The following ZFHX3 variants were observed in gnomAD, a reference collection of about 807,000 sequenced individuals.
ZFHX3 encodes zinc finger homeobox 3.
ZFHX3 carries 42 observed loss-of-function variants against 279.1 expected under a neutral mutation model. The observed-to-expected ratio is 0.15, with a 90% CI of 0.12 to 0.19. The LOEUF (loss-of-function observed/expected upper bound fraction) is 0.19. Among genes scored for constraint, ZFHX3 ranks in the 10% least tolerant of loss-of-function variants. ZFHX3 has a pLI of 1.00. For synonymous variants in ZFHX3, 2,293 were observed against 1,957.8 expected, an observed-to-expected ratio of 1.17 and a Z score of -4.52; for missense variants, 4,981 against 4,754.0, an observed-to-expected ratio of 1.05 and a Z score of -1.40.
chr16:73,811,493 G>C (rs1417382473), intron 1 of ZFHX3, among the ~76,000 whole-genome samples: 1 of 149,208 alleles, frequency 6.7e-6, no homozygotes, highest in African/African-American at 2.5e-5. Flanking sequence ...ATCTAGGCGG[G>C]AGTGGCAGTG....
chr16:73,856,173 G>T (rs1270716623), intron 1 of ZFHX3, among the ~76,000 whole-genome samples: 1 of 152,068 alleles, frequency 6.6e-6, no homozygotes, highest in South Asian at 2.1e-4. Flanking sequence ...GAAGGAGAGG[G>T]AAGGTTACAT....
At chr16:72,879,010 G>A (rs1411821456) in intron 4 of ZFHX3, among the ~76,000 whole-genome samples, 1 of 152,172 alleles carries the variant, frequency 6.6e-6, no homozygotes, top group Non-Finnish European at 1.5e-5. Flanking sequence ...ACGGCCCTGT[G>A]GAGGCTGCCC....
intron 3 of ZFHX3, among the ~76,000 whole-genome samples, chr16:72,933,443 T>C (rs989489238): frequency 5.9e-5 from 9 of 152,032 alleles, no homozygotes; most frequent in African/African-American, 2.2e-4. Context: ...TACCCTCACA[T>C]TGCATTATGA....
intron 1 of ZFHX3, among the ~76,000 whole-genome samples, chr16:72,961,642 C>A (rs200730541): frequency 7.5e-6 from 1 of 133,804 alleles, no homozygotes; most frequent in Non-Finnish European, 1.7e-5. Context: ...TTTTTTTTTT[C>A]ATTTCTTGAT....
At chr16:73,495,075 G>C (rs1376600429) in intron 2 of ZFHX3, among the ~76,000 whole-genome samples, 1 of 152,194 alleles carries the variant, frequency 6.6e-6, no homozygotes, top group East Asian at 1.9e-4. Context: ...CTGCATATTG[G>C]CTGTATCTCT....
At chr16:73,183,092 C>A (rs1166388620) in intron 5 of ZFHX3, among the ~76,000 whole-genome samples, 2 of 152,122 alleles carry the variant, frequency 1.3e-5, no homozygotes, top group African/African-American at 4.8e-5. Context: ...GTAGTCCCAG[C>A]TACTCGGGAG....
intron 3 of ZFHX3, among the ~76,000 whole-genome samples, chr16:72,915,470 C>T (rs1231331069): frequency 6.6e-6 from 1 of 152,186 alleles, no homozygotes; most frequent in Non-Finnish European, 1.5e-5. Flanking sequence ...GAATTGCCAC[C>T]TCTCAAGACT....
intron 3 of ZFHX3, among the ~76,000 whole-genome samples, chr16:73,443,949 T>G (rs141701346): frequency 2.6e-4 from 39 of 152,130 alleles, no homozygotes; most frequent in African/African-American, 9.4e-4. Context: ...TAATAAAATA[T>G]TTGTATTATT....
chr16:72,887,549 T>A (rs2038657292), intron 4 of ZFHX3, among the ~76,000 whole-genome samples: 1 of 150,774 alleles, frequency 6.6e-6, no homozygotes, highest in African/African-American at 2.4e-5. Context: ...AGTCCAACTG[T>A]TGTGTGGGGG....
chr16:73,048,366 G>A (rs1011134678), upstream of ZFHX3: 3 of 151,680 alleles, frequency 2.0e-5, no homozygotes, highest in Non-Finnish European at 4.4e-5. Flanking sequence ...GGACGCACAG[G>A]GACGCGCGGG....
intron 7 of ZFHX3, among the ~76,000 whole-genome samples, chr16:73,122,417 G>C (rs1966510590): frequency 6.6e-6 from 1 of 151,860 alleles, no homozygotes; most frequent in African/African-American, 2.4e-5. Flanking sequence ...ATGTTGGCCA[G>C]GCTGGTCTCG....
intron 3 of ZFHX3, among the ~76,000 whole-genome samples, chr16:73,319,085 TGAGGG>T (rs1178959559): frequency 4.1e-5 from 3 of 73,594 alleles, no homozygotes; most frequent in Non-Finnish European, 8.7e-5. Context: ...GGTGAGGTGC[TGAGGG>T]GAGGGGAGGG....
At chr16:73,301,002 GA>G (rs1215825183) in intron 4 of ZFHX3, among the ~76,000 whole-genome samples, 1 of 152,226 alleles carries the variant, frequency 6.6e-6, no homozygotes, top group Non-Finnish European at 1.5e-5. Context: ...TCCAATTCTA[GA>G]AGTCAGGAAA....
intron 2 of ZFHX3, among the ~76,000 whole-genome samples, chr16:73,549,192 T>C (rs2020168019): frequency 6.6e-6 from 1 of 152,140 alleles, no homozygotes. Context: ...TTTCCTTTTC[T>C]GCCTAAAGGA....
At chr16:72,943,985 G>A (rs1012872668) in intron 3 of ZFHX3, among the ~76,000 whole-genome samples, 1 of 152,128 alleles carries the variant, frequency 6.6e-6, no homozygotes, top group African/African-American at 2.4e-5. Context: ...TGACCTAAAA[G>A]TATCTATATC....
intron 1 of ZFHX3, among the ~76,000 whole-genome samples, chr16:73,756,880 G>T (rs1226682615): frequency 2.0e-5 from 3 of 151,996 alleles, no homozygotes; most frequent in Non-Finnish European, 4.4e-5. Context: ...TATTTATGAC[G>T]CAAGGAATAA....
chr16:73,634,844 A>G (rs2052513608), intron 2 of ZFHX3, among the ~76,000 whole-genome samples: 1 of 152,176 alleles, frequency 6.6e-6, no homozygotes, highest in Admixed American at 6.5e-5. Flanking sequence ...ATTTTATTCC[A>G]GGATATCTGT....
chr16:73,005,392 G>T (rs1157345741), intron 1 of ZFHX3, among the ~76,000 whole-genome samples: 1 of 152,192 alleles, frequency 6.6e-6, no homozygotes. Flanking sequence ...TTACTTGAGA[G>T]ACTGAGGCAG....
intron 7 of ZFHX3, among the ~76,000 whole-genome samples, chr16:73,101,644 C>T (rs1056010258): frequency 7.2e-5 from 11 of 152,118 alleles, no homozygotes; most frequent in African/African-American, 2.2e-4. Flanking sequence ...TCAAGTGATC[C>T]GCTCACGTCA....
Sources: gnomAD v4.1 joint callset for allele counts (sites outside exome capture counted in the v4.1 genomes callset) on GRCh38, gnomAD v4.1.1 for gene constraint, MANE v1.5 for transcripts, NCBI Gene and HGNC (gene_info 2026-07-23, HGNC 2026-07-21) for gene names.